The following PIK3CD variants were observed in gnomAD, a reference collection of about 807,000 sequenced individuals.
The protein encoded by PIK3CD is phosphatidylinositol 4,5-bisphosphate 3-kinase catalytic subunit delta isoform.
In PIK3CD, 20 loss-of-function variants were observed where a neutral mutation model predicts 122.9. That is an observed-to-expected ratio of 0.16 (90% confidence interval 0.11 to 0.24). The LOEUF (loss-of-function observed/expected upper bound fraction) is 0.24, where lower values mean the gene tolerates loss of function less well. Among genes scored for constraint, PIK3CD ranks in the 10% least tolerant of loss-of-function variants. The pLI, the probability that PIK3CD is intolerant of heterozygous loss-of-function variation, is 1.00. For missense variants in PIK3CD, 787 were observed against 1,406.3 expected (o/e 0.56, Z 7.04); for synonymous variants, 596 against 593.4 (o/e 1.00, Z -0.06).
At chr1:9,631,868 C>G in the PIK3CD span, among the ~76,000 whole-genome samples, 1 of 152,152 alleles carries the variant, frequency 6.6e-6, no homozygotes. Flanking sequence ...ACCTCTCCCC[C>G]GTCAAATGAG....
At chr1:9,659,327 AT>A (rs111343967) in intron 1 of PIK3CD, among the ~76,000 whole-genome samples, 3 of 152,312 alleles carry the variant, frequency 2.0e-5, no homozygotes, top group African/African-American at 7.2e-5. Flanking sequence ...AAAATAAAAA[AT>A]AATTTAGTCG....
the PIK3CD span, among the ~76,000 whole-genome samples, chr1:9,630,611 C>T: frequency 2.0e-5 from 3 of 152,160 alleles, no homozygotes; most frequent in Non-Finnish European, 2.9e-5. Flanking sequence ...ATGATATAGC[C>T]AGGAGTATGA....
chr1:9,726,654 G>C (rs1649680608), intron 23 of PIK3CD, among the ~76,000 whole-genome samples: 1 of 152,192 alleles, frequency 6.6e-6, no homozygotes, highest in African/African-American at 2.4e-5. Context: ...TGCAAAAGCA[G>C]CTGCTCCCAT....
intron 1 of PIK3CD, among the ~76,000 whole-genome samples, chr1:9,683,058 G>GTT (rs1383089515): frequency 0.013 from 1,849 of 142,778 alleles, 51 homozygotes; most frequent in African/African-American, 0.046. Flanking sequence ...TTTTTTTTGG[G>GTT]GGGCTGGGTC....
In PIK3CD at chr1:9,727,815, T is replaced by C; in HGVS notation, c.*769T>C. On this transcript the variant is annotated 3_prime_UTR_variant, in exon 24 of 24. Transcript: ENST00000377346. ...TGCCATTATCTCAAAAATCTTTTTT[T>C]TTTTTTTGAGATGGGGTCTTCCTCT... is the stretch of plus-strand genomic sequence containing the variant. The C allele has an allele frequency of 5.3e-6, 1 of 187,162 alleles. No homozygotes were observed. The highest frequency in any genetic ancestry group is 1.1e-5 in the Non-Finnish European group (1 of 88,716). The allele number at this position is 187,162 out of a possible 1,614,324, so 11.6% of individuals were successfully genotyped here. A position where few individuals can be genotyped will look rare whatever the true frequency, so the allele number is the denominator to read the frequency against.
In PIK3CD at chr1:9,719,089, C is replaced by T. The variant is rs1054758817; in HGVS notation, c.1242+174C>T. On this transcript the variant is annotated intron_variant, in intron 9 of 23. Coordinates refer to ENST00000377346, the MANE Select transcript of PIK3CD (RefSeq NM_005026.5). The surrounding 1 kb of genome is among the most constrained non-coding windows in gnomAD (Gnocchi z 5.5). ...CCCTAGTCTGGCCACCAGCCCTGCTCGAGGGACACTCTGGGCTCCTGGGCT... is the reference window on the plus strand; with the variant it reads ...CCCTAGTCTGGCCACCAGCCCTGCTTGAGGGACACTCTGGGCTCCTGGGCT... Among the ~76,000 whole-genome samples the T allele has an allele frequency of 1.1e-4, 17 of 152,230 alleles. No homozygotes were observed. Among genetic ancestry groups the T allele is most frequent in the Admixed American group, 6.5e-5 (1 of 15,280 alleles).
intron 1 of PIK3CD, among the ~76,000 whole-genome samples, chr1:9,687,909 T>C (rs1294416241): frequency 7.0e-6 from 1 of 143,248 alleles, no homozygotes; most frequent in Admixed American, 6.9e-5. Flanking sequence ...CTCTTCTCTC[T>C]CCTCCTTGGG....
intron 3 of PIK3CD, among the ~76,000 whole-genome samples, chr1:9,711,325 G>T (rs1257854898): frequency 6.6e-6 from 1 of 152,030 alleles, no homozygotes; most frequent in Non-Finnish European, 1.5e-5. Flanking sequence ...GAACTCCTGA[G>T]CTCAAGTGAT....
At chr1:9,654,007 G>T (rs1306506492) in intron 1 of PIK3CD, 4 of 1,309,938 alleles carry the variant, frequency 3.1e-6, no homozygotes, top group Admixed American at 2.3e-5. Context: ...GGAGTTCAAG[G>T]TTGCAGTAAG....
At chr1:9,654,044 C>A (rs1471874165) in intron 1 of PIK3CD, 2 of 1,249,190 alleles carry the variant, frequency 1.6e-6, no homozygotes, top group Non-Finnish European at 2.1e-6. Flanking sequence ...GCGCTCCAGC[C>A]TGGGTGACAG....
the PIK3CD span, among the ~76,000 whole-genome samples, chr1:9,636,906 T>A: frequency 9.0e-6 from 1 of 110,690 alleles, no homozygotes; most frequent in African/African-American, 6.8e-5. Flanking sequence ...TTTTCTTTCT[T>A]TTTTTTTTTG....
rs2100903320 is a variant in PIK3CD, at chr1:9,718,550, C to T, written c.1021-144C>T. On this transcript the variant is annotated intron_variant, in intron 8 of 23. Coordinates refer to ENST00000377346, the MANE Select transcript of PIK3CD (RefSeq NM_005026.5). This position sits in a 1 kb window ranked among gnomAD's most constrained non-coding sequence, Gnocchi z 7.2. ...GGCCGCTCATGCCCCTCAGGCCTTC[C>T]CTGTGCTGCACCACCTTCCTTCGTG... 1.2e-6 allele frequency: 1 copy of T among 815,830 alleles called. No homozygotes were observed. The highest frequency in any genetic ancestry group is 1.5e-5 in the South Asian group (1 of 68,546). 50.5% of individuals were successfully genotyped at this position (815,830 alleles called of 1,614,324 possible).
At chr1:9,639,984 C>T in the PIK3CD span, among the ~76,000 whole-genome samples, 2 of 151,992 alleles carry the variant, frequency 1.3e-5, no homozygotes, top group East Asian at 3.9e-4. Context: ...GTAGACAATC[C>T]TCCTGCCTCA....
At chr1:9,702,546 G>GTTTTTTTTT (rs1646685182) in intron 2 of PIK3CD, among the ~76,000 whole-genome samples, 22 of 46,636 alleles carry the variant, frequency 4.7e-4, no homozygotes, top group Admixed American at 1.3e-3. Context: ...TTGAGGCAGA[G>GTTTTTTTTT]TTTTGCTCTT....
intron 1 of PIK3CD, among the ~76,000 whole-genome samples, chr1:9,657,377 C>A (rs1644887992): frequency 6.6e-6 from 1 of 152,136 alleles, no homozygotes; most frequent in Non-Finnish European, 1.5e-5. Context: ...GAATGTCTTT[C>A]TGTATTTTCT....
intron 1 of PIK3CD, chr1:9,653,092 G>A (rs1644728788): frequency 6.6e-6 from 1 of 152,198 alleles, no homozygotes; most frequent in Admixed American, 6.5e-5. Context: ...GGATGTGGGC[G>A]GGTGTGCCGT....
intron 2 of PIK3CD, among the ~76,000 whole-genome samples, chr1:9,705,594 C>T (rs1277862333): frequency 6.6e-6 from 1 of 152,082 alleles, no homozygotes; most frequent in Non-Finnish European, 1.5e-5. Flanking sequence ...GAAAATATTT[C>T]CCGCTCATTC....
intron 1 of PIK3CD, among the ~76,000 whole-genome samples, chr1:9,680,498 C>T (rs892730339): frequency 3.3e-5 from 5 of 152,016 alleles, no homozygotes; most frequent in African/African-American, 1.2e-4. Flanking sequence ...GATTTCACAC[C>T]ATTAGCAGTT....
chr1:9,716,524 C>T lies in PIK3CD; in HGVS notation c.685C>T (p.Arg229Trp), dbSNP rs761298080. ...CALRKKATVF[R>W]QPLVEQPEDY... ...CCTGCGGAAGAAGGCCACAGTGTTCCGGCAGCCGCTGGTGGAGCAGCCGGA... is the reference window on the plus strand; with the variant it reads ...CCTGCGGAAGAAGGCCACAGTGTTCTGGCAGCCGCTGGTGGAGCAGCCGGA... The change falls in exon 6 of 24, where the codon CGG becomes TGG. Residue 229 changes from arginine to tryptophan, a missense_variant. Arg to Trp is a moderately radical substitution (Grantham distance 101). Around this residue, in one of 6 missense-constraint regions of PIK3CD, gnomAD observed 592 missense variants for 920.6 expected, o/e 0.64. Coordinates refer to ENST00000377346, the MANE Select transcript of PIK3CD (RefSeq NM_005026.5). The T allele has an allele frequency of 4.3e-6, 7 of 1,609,200 alleles. No individual in the cohort carries two copies. The highest frequency in any genetic ancestry group is 5.9e-6 in the Non-Finnish European group (7 of 1,179,388).
Sources: allele counts gnomAD v4.1 joint callset (sites outside exome capture counted in the v4.1 genomes callset), GRCh38; gene constraint gnomAD v4.1.1; regional missense constraint gnomAD v4.1.1; non-coding constraint Gnocchi (gnomAD v3.1); transcripts MANE v1.5; gene names NCBI Gene and HGNC (gene_info 2026-07-23, HGNC 2026-07-21).